MCPH1: variants seen among roughly 807,000 people sequenced by gnomAD.
MCPH1 encodes the protein microcephalin 1.
Under a neutral mutation model 84.5 loss-of-function variants are expected in MCPH1, and 104 were observed. That is an observed-to-expected ratio of 1.23 (90% CI 1.05 to 1.45). MCPH1 has a LOEUF of 1.45. Ranked by LOEUF, MCPH1 falls within the 40% of genes most tolerant of loss-of-function variation. The probability of loss-of-function intolerance (pLI) is 0.00; values close to 1 mark genes in which losing one functional copy is unlikely to be tolerated. For synonymous variants in MCPH1, 514 were observed against 366.8 expected (o/e 1.40, Z -4.58); for missense variants, 1,498 against 1,005.7 (o/e 1.49, Z -6.62).
chr8:6,480,738 T>C lies in MCPH1; in HGVS notation c.1998T>C (p.Val666=). The change falls in exon 11 of 14, where the codon GTT becomes GTC. Residue 666 remains valine, a synonymous_variant. Coordinates refer to ENST00000344683, the MANE Select transcript of MCPH1 (RefSeq NM_024596.5). ...GAAAGCAGAATGTCGTCATCCAGGT[T>C]GTGGATAAATTGAAAGGCTTTTCAA... is the stretch of plus-strand genomic sequence containing the variant. ...PSEKQNVVIQ[V]VDKLKGFSIA... is the part of the protein sequence containing the mutation. 1 of 1,614,168 alleles carries C rather than the reference T, an allele frequency of 6.2e-7. No individual in the cohort carries two copies. Among genetic ancestry groups the C allele is most frequent in the African/African-American group, 1.3e-5 (1 of 75,034 alleles).
intron 9 of MCPH1, among the ~76,000 whole-genome samples, chr8:6,456,581 C>G (rs1379555738): frequency 6.6e-6 from 1 of 152,138 alleles, no homozygotes; most frequent in Non-Finnish European, 1.5e-5. Flanking sequence ...TGACCCTTTA[C>G]CCTCTGCCAG....
At chr8:6,624,099 AC>A (rs1831802199) in intron 13 of MCPH1, among the ~76,000 whole-genome samples, 1 of 152,112 alleles carries the variant, frequency 6.6e-6, no homozygotes, top group Admixed American at 6.5e-5. Context: ...GCAGCTGCTC[AC>A]TTCCTCCGGT....
intron 12 of MCPH1, among the ~76,000 whole-genome samples, chr8:6,594,184 G>T (rs1266189956): frequency 6.6e-6 from 1 of 152,224 alleles, no homozygotes; most frequent in East Asian, 1.9e-4. Flanking sequence ...CCCGCTCCCC[G>T]TGTGCCCAGG....
intron 12 of MCPH1, among the ~76,000 whole-genome samples, chr8:6,583,262 T>C (rs1827704239): frequency 6.6e-6 from 1 of 152,192 alleles, no homozygotes; most frequent in African/African-American, 2.4e-5. Flanking sequence ...TTTTATTTCT[T>C]CTAAACAAAC....
chr8:6,625,402 T>A, intron 13 of MCPH1: 1 of 985,432 alleles, frequency 1.0e-6, no homozygotes, highest in African/African-American at 1.7e-5. Context: ...AGACTTTTTT[T>A]CCTCCCGTTC....
intron 12 of MCPH1, among the ~76,000 whole-genome samples, chr8:6,513,033 A>G (rs1039570390): frequency 1.3e-5 from 2 of 152,248 alleles, no homozygotes; most frequent in African/African-American, 2.4e-5. Context: ...TCCATCATTT[A>G]TGCTATTCAT....
rs531655103 is a variant in MCPH1 at position 6,631,669 on chromosome 8, C to A, written c.2452+9978C>A. ...ATTGCTACTATAAAAAAAAAAAAAACCCAGAAAATAACAAGTGTTAGTAAG... is the reference window on the plus strand; with the variant it reads ...ATTGCTACTATAAAAAAAAAAAAAAACCAGAAAATAACAAGTGTTAGTAAG... On this transcript the variant is annotated intron_variant, in intron 13 of 13. Coordinates refer to ENST00000344683, the MANE Select transcript of MCPH1 (RefSeq NM_024596.5). Among the ~76,000 whole-genome samples the A allele has an allele frequency of 7.8e-4, 114 of 146,440 alleles. 1 individual carries two copies. In the East Asian group the frequency reaches 0.013, roughly 16 times the overall value.
In MCPH1 at chr8:6,634,668, C is replaced by T. The variant is rs551325119; in HGVS notation, c.2453-8326C>T. On this transcript the variant is annotated intron_variant, in intron 13 of 13. Transcript: ENST00000344683. ...TTTCTGATCGGTTTTACAAACACTT[C>T]GTACAGGCCTCTTGTGCTCGCTGCA... Among the ~76,000 whole-genome samples the T allele has an allele frequency of 7.2e-4, 110 of 152,340 alleles. 3 individuals carry two copies. The South Asian group carries it at 0.022, about 30-fold the overall frequency.
intron 12 of MCPH1, among the ~76,000 whole-genome samples, chr8:6,584,156 T>C (rs1001483427): frequency 6.6e-6 from 1 of 152,206 alleles, no homozygotes; most frequent in Non-Finnish European, 1.5e-5. Flanking sequence ...TATGGTGAAT[T>C]TGTAATCAAA....
chr8:6,526,078 A>G (rs2515462), intron 12 of MCPH1, among the ~76,000 whole-genome samples: 101,157 of 151,562 alleles, frequency 0.67, 34,231 homozygotes, highest in East Asian at 0.94. Flanking sequence ...CATGTGTTCC[A>G]GGAATCACTG....
intron 13 of MCPH1, among the ~76,000 whole-genome samples, chr8:6,637,199 C>T (rs1797617546): frequency 6.6e-6 from 1 of 152,134 alleles, no homozygotes; most frequent in African/African-American, 2.4e-5. Flanking sequence ...ACAGCCTTTG[C>T]CCTTGTGGGA....
chr8:6,445,428 A>G lies in MCPH1; in HGVS notation c.1706A>G (p.Lys569Arg), dbSNP rs751328883. Residue 569 changes from lysine to arginine, a missense_variant, in exon 8 of 14, where the codon AAA becomes AGA. Transcript: ENST00000344683. ...ACACAGAACAAAGGTACCACTTCCAAAATATCAAACTCCTCTGAAGGCGAA... is the reference window on the plus strand; with the variant it reads ...ACACAGAACAAAGGTACCACTTCCAGAATATCAAACTCCTCTGAAGGCGAA... ...KSTQNKGTTS[K>R]ISNSSEGEAQ... 12 of 1,614,260 alleles carry G rather than the reference A, an allele frequency of 7.4e-6. No individual in the cohort carries two copies. Among genetic ancestry groups the G allele is most frequent in the Non-Finnish European group, 1.0e-5 (12 of 1,180,054 alleles).
At chr8:6,460,484 G>A (rs1806155194) in intron 9 of MCPH1, among the ~76,000 whole-genome samples, 1 of 151,992 alleles carries the variant, frequency 6.6e-6, no homozygotes, top group South Asian at 2.1e-4. Context: ...CCAGGGTACT[G>A]GGATTACAGG....
chr8:6,619,271 G>A (rs984986160), intron 12 of MCPH1: 1 of 152,216 alleles, frequency 6.6e-6, no homozygotes, highest in Non-Finnish European at 1.5e-5. Context: ...ATACCCTTCC[G>A]TATTGCTTCA....
intron 9 of MCPH1, among the ~76,000 whole-genome samples, chr8:6,466,339 G>C (rs1040859036): frequency 1.4e-5 from 2 of 146,408 alleles, no homozygotes; most frequent in African/African-American, 5.1e-5. Flanking sequence ...TTGGAGTCTC[G>C]CTCTGTTGCT....
chr8:6,410,921 C>G (rs377137768), intron 2 of MCPH1, among the ~76,000 whole-genome samples: 3 of 152,108 alleles, frequency 2.0e-5, no homozygotes, highest in South Asian at 2.1e-4. Context: ...GAAACCCCAT[C>G]TCTACTAAAA....
chr8:6,576,591 C>G (rs1176949451), intron 12 of MCPH1, among the ~76,000 whole-genome samples: 1 of 147,340 alleles, frequency 6.8e-6, no homozygotes, highest in African/African-American at 2.5e-5. Flanking sequence ...TCACTGCAAT[C>G]TCCACCTCCC....
intron 12 of MCPH1, among the ~76,000 whole-genome samples, chr8:6,547,006 T>G (rs1031176321): frequency 6.6e-6 from 1 of 152,142 alleles, no homozygotes; most frequent in South Asian, 2.1e-4. Context: ...ATAACCACGG[T>G]GTACCTCGGA....
At chr8:6,488,134 C>T (rs566110248) in intron 11 of MCPH1, among the ~76,000 whole-genome samples, 9 of 152,228 alleles carry the variant, frequency 5.9e-5, no homozygotes, top group Non-Finnish European at 1.2e-4. Flanking sequence ...TCATTCTCTG[C>T]GGAGGCTCCT....
Sources: gnomAD v4.1 joint callset for allele counts (sites outside exome capture counted in the v4.1 genomes callset) on GRCh38, gnomAD v4.1.1 for gene constraint, MANE v1.5 for transcripts, NCBI Gene and HGNC (gene_info 2026-07-23, HGNC 2026-07-21) for gene names.